FRMPD4: variants seen among roughly 807,000 people sequenced by gnomAD.
The protein encoded by FRMPD4 is FERM and PDZ domain-containing protein 4.
A neutral mutation model predicts 94.1 loss-of-function variants in FRMPD4; 22 were observed. That is an observed-to-expected ratio of 0.23 (90% CI 0.17 to 0.33). The LOEUF (loss-of-function observed/expected upper bound fraction) is 0.33. Among genes scored for constraint, FRMPD4 ranks in the 10% least tolerant of loss-of-function variants. FRMPD4 has a pLI of 1.00. For synonymous variants in FRMPD4, 631 were observed against 548.6 expected (o/e 1.15, Z -2.10); for missense variants, 1,111 against 1,339.9 (o/e 0.83, Z 2.67).
chrX:12,522,749 C>T (rs757421167), intron 2 of FRMPD4, among the ~76,000 whole-genome samples: 66 of 109,736 alleles, frequency 6.0e-4, no homozygotes, highest in African/African-American at 2.2e-3. Flanking sequence ...ACTACAGGCA[C>T]ACACCACCAT....
chrX:11,905,318 C>T (rs771453619), intron 3 of FRMPD4, among the ~76,000 whole-genome samples: 1 of 111,764 alleles, frequency 8.9e-6, no homozygotes, highest in South Asian at 3.8e-4. Flanking sequence ...CATGAAGTTA[C>T]AAACCTAAGA....
chrX:12,384,230 T>G (rs2056366172), intron 1 of FRMPD4, among the ~76,000 whole-genome samples: 1 of 111,949 alleles, frequency 8.9e-6, no homozygotes, highest in African/African-American at 3.2e-5. Flanking sequence ...AATATAAAAT[T>G]TAAGGCCGGG....
chrX:12,481,306 C>A (rs951941403), intron 1 of FRMPD4, among the ~76,000 whole-genome samples: 1 of 111,732 alleles, frequency 8.9e-6, no homozygotes, highest in African/African-American at 3.3e-5. Flanking sequence ...TAGCTTTTCC[C>A]CTCCTAGTAA....
At chrX:11,916,387 G>A (rs769066841) in intron 3 of FRMPD4, among the ~76,000 whole-genome samples, 1 of 111,260 alleles carries the variant, frequency 9.0e-6, no homozygotes, top group Non-Finnish European at 1.9e-5. Flanking sequence ...TAACTATGGT[G>A]ACATTGTGGA....
intron 1 of FRMPD4, among the ~76,000 whole-genome samples, chrX:12,231,050 A>AATATATATAAAAT (rs2056999315): frequency 6.5e-5 from 2 of 30,572 alleles, no homozygotes; most frequent in Non-Finnish European, 1.3e-4. Context: ...ATATATATAA[A>AATATATATAAAAT]ATATATATAT....
chrX:12,102,046 C>T (rs948509559), intron 3 of FRMPD4, among the ~76,000 whole-genome samples: 2 of 112,055 alleles, frequency 1.8e-5, no homozygotes, highest in Admixed American at 9.5e-5. Flanking sequence ...TCTATCATGC[C>T]GTTACATGAG....
intron 1 of FRMPD4, among the ~76,000 whole-genome samples, chrX:12,215,960 G>C (rs1466485819): frequency 8.9e-6 from 1 of 112,154 alleles, no homozygotes; most frequent in Non-Finnish European, 1.9e-5. Context: ...CAACAGAGTT[G>C]AGTAGTTGTG....
chrX:12,061,057 A>G (rs2054882956), intron 3 of FRMPD4, among the ~76,000 whole-genome samples: 2 of 112,413 alleles, frequency 1.8e-5, no homozygotes, highest in Admixed American at 1.9e-4. Flanking sequence ...CAAGAGAAAG[A>G]CAAGTTTATT....
Position 12,686,090 on chromosome X carries a change from TAAACAGG to T in FRMPD4, c.574-2_578del. On this transcript the variant is annotated splice_acceptor_variant and splice_polypyrimidine_tract_variant and coding_sequence_variant and intron_variant, in exon 7 of 17. Coordinates refer to ENST00000675598, the MANE Select transcript of FRMPD4 (RefSeq NM_001368397.1). LOFTEE classifies it high-confidence loss of function. ...ATTTATGCCCTGCCCTTTTTTTTGT[TAAACAGG>T]AAACTGTTAAGGACAACTCACTTCT... is the stretch of plus-strand genomic sequence containing the variant. 2.9e-6 allele frequency: 3 copies of T among 1,037,696 alleles called. No individual in the cohort carries two copies. Among genetic ancestry groups the T allele is most frequent in the Admixed American group, 2.3e-5 (1 of 43,892 alleles). 85.5% of individuals were successfully genotyped at this position (1,037,696 alleles called of 1,213,427 possible).
chrX:12,114,796 C>T (rs1039222723), intron 3 of FRMPD4, among the ~76,000 whole-genome samples: 7 of 112,358 alleles, frequency 6.2e-5, no homozygotes, highest in African/African-American at 2.3e-4. Context: ...GTGTAACAGA[C>T]AAAAATACAA....
At chrX:12,554,988 C>T (rs902792547) in intron 2 of FRMPD4, among the ~76,000 whole-genome samples, 7 of 111,612 alleles carry the variant, frequency 6.3e-5, no homozygotes, top group Non-Finnish European at 7.5e-5. Flanking sequence ...GGTCCCAACC[C>T]ATCTCACCCC....
chrX:12,678,835 A>C (rs2059931278), intron 5 of FRMPD4, among the ~76,000 whole-genome samples: 1 of 112,047 alleles, frequency 8.9e-6, no homozygotes, highest in Admixed American at 9.4e-5. Context: ...CAAAAAACAA[A>C]AAAGAGTTTC....
At chrX:11,842,824 G>C (rs935591844) in intron 1 of FRMPD4, among the ~76,000 whole-genome samples, 1 of 103,790 alleles carries the variant, frequency 9.6e-6, no homozygotes, top group Admixed American at 1.1e-4. Context: ...CCTGTCTTGT[G>C]CCAGTTTTCA....
intron 3 of FRMPD4, among the ~76,000 whole-genome samples, chrX:12,068,823 T>C (rs1321029216): frequency 8.9e-6 from 1 of 112,279 alleles, no homozygotes; most frequent in Non-Finnish European, 1.9e-5. Flanking sequence ...AAGTAACAAA[T>C]GTAATGTTTA....
At chrX:12,362,279 C>T (rs1034176069) in intron 1 of FRMPD4, among the ~76,000 whole-genome samples, 15 of 108,923 alleles carry the variant, frequency 1.4e-4, no homozygotes, top group African/African-American at 4.4e-4. Context: ...CATATGTATA[C>T]GTGTGCCATG....
chrX:12,105,573 G>A (rs980126695), intron 3 of FRMPD4, among the ~76,000 whole-genome samples: 3 of 112,268 alleles, frequency 2.7e-5, no homozygotes, highest in Non-Finnish European at 5.6e-5. Flanking sequence ...AACCCTTAAC[G>A]TGAATGTAAT....
chrX:12,107,967 G>A (rs2055315452), intron 3 of FRMPD4, among the ~76,000 whole-genome samples: 1 of 111,942 alleles, frequency 8.9e-6, no homozygotes, highest in South Asian at 3.8e-4. Context: ...TGAAAGTGAC[G>A]GGGAAAATGG....
At chrX:12,085,946 CAAT>C (rs2055105706) in intron 3 of FRMPD4, among the ~76,000 whole-genome samples, 1 of 111,982 alleles carries the variant, frequency 8.9e-6, no homozygotes, top group African/African-American at 3.2e-5. Context: ...TATTTTCAAA[CAAT>C]AAAAGTTATA....
chrX:12,692,778 G>A (rs1213322376), intron 8 of FRMPD4, among the ~76,000 whole-genome samples: 1 of 112,382 alleles, frequency 8.9e-6, no homozygotes, highest in African/African-American at 3.2e-5. Flanking sequence ...GTAATTAAAG[G>A]AGTCAGAGAT....
Sources: allele counts gnomAD v4.1 joint callset (sites outside exome capture counted in the v4.1 genomes callset), GRCh38; gene constraint gnomAD v4.1.1; transcripts MANE v1.5; gene names NCBI Gene and HGNC (gene_info 2026-07-23, HGNC 2026-07-21).